NGEF: variants seen among roughly 807,000 people sequenced by gnomAD.
NGEF encodes neuronal guanine nucleotide exchange factor.
Under a neutral mutation model 80.9 loss-of-function variants are expected in NGEF, and 31 were observed. That is an observed-to-expected ratio of 0.38 (90% confidence interval 0.29 to 0.52). The LOEUF (loss-of-function observed/expected upper bound fraction) is 0.52, where lower values mean the gene tolerates loss of function less well. Among genes scored for constraint, NGEF ranks in the 20% least tolerant of loss-of-function variants. NGEF has a pLI of 0.84. For missense variants in NGEF, 709 were observed against 926.2 expected (o/e 0.77, Z 3.04); for synonymous variants, 371 against 370.2 (o/e 1.00, Z -0.03).
chr2:232,982,479 C>A (rs528945572), intron 1 of NGEF, among the ~76,000 whole-genome samples: 3 of 152,168 alleles, frequency 2.0e-5, no homozygotes, highest in Non-Finnish European at 4.4e-5. Flanking sequence ...TGAATTGGTA[C>A]GTTAGCCTCT....
At chr2:232,894,989 G>A in intron 5 of NGEF, 73 bp from the exon 6 acceptor site, 1 of 1,475,452 alleles carries the variant, frequency 6.8e-7, no homozygotes, top group South Asian at 1.3e-5. Flanking sequence ...GGCTGAGACA[G>A]AGGAGCAGAG....
chr2:232,995,046 T>C (rs71421674), intron 1 of NGEF, among the ~76,000 whole-genome samples: 4,544 of 29,734 alleles, frequency 0.15, 717 homozygotes, highest in East Asian at 0.61. Context: ...ACAGTATGTA[T>C]ACTGTATATA....
In NGEF at chr2:232,879,576, C is replaced by A; in HGVS notation, c.2046G>T (p.Lys682Asn). ...LNPKIRSQNL[K>N]ECFRVHKMDD... ...CCATCTTGTGGACACGGAAACATTC[C>A]TTGAGGTTCTGGGACCGGATCTTGG... The change falls in exon 15 of 15, where the codon AAG becomes AAT. Residue 682 changes from lysine to asparagine, a missense_variant. By Grantham distance (94) the Lys-to-Asn change is moderately conservative (BLOSUM62 0). Transcript: ENST00000264051. 6.2e-7 allele frequency: 1 copy of A among 1,613,926 alleles called. No individual in the cohort carries two copies. Among genetic ancestry groups the A allele is most frequent in the South Asian group, 1.1e-5 (1 of 91,086 alleles).
chr2:232,914,291 G>T (rs915994371), intron 5 of NGEF, among the ~76,000 whole-genome samples: 1 of 152,192 alleles, frequency 6.6e-6, no homozygotes. Flanking sequence ...AGCAACATGT[G>T]GCTAAACTGA....
At chr2:232,931,723 G>C (rs62191812) in intron 3 of NGEF, among the ~76,000 whole-genome samples, 1 of 152,170 alleles carries the variant, frequency 6.6e-6, no homozygotes, top group Non-Finnish European at 1.5e-5. Context: ...AACGGAGAAA[G>C]TGGGACAAAA....
intron 2 of NGEF, among the ~76,000 whole-genome samples, chr2:232,972,742 T>TC (rs1694219445): frequency 7.4e-6 from 1 of 135,046 alleles, no homozygotes; most frequent in African/African-American, 2.7e-5. Context: ...CATGTCCTTA[T>TC]CCTTTTTTTT....
rs147866144 is a variant in NGEF at position 232,995,074 on chromosome 2, G to GTA, written c.-75+17992_-75+17993dup. On this transcript the variant is annotated intron_variant, in intron 1 of 14. Coordinates refer to ENST00000264051, the MANE Select transcript of NGEF (RefSeq NM_019850.3). ...TGTATATATGTACAGTATGTATACTGTATATGTGTACAGTATGTATATGTG... is the reference window on the plus strand; with the variant it reads ...TGTATATATGTACAGTATGTATACTGTATATATGTGTACAGTATGTATATGTG... Among the ~76,000 whole-genome samples, 290 of 11,360 alleles carry GTA rather than the reference G, an allele frequency of 0.026. 22 individuals are homozygous for GTA. The East Asian group carries it at 0.31, about 12-fold the overall frequency. The allele number at this position is 11,360 out of a possible 152,430, so 7.5% of individuals were successfully genotyped here. A position where few individuals can be genotyped will look rare whatever the true frequency, so the allele number is the denominator to read the frequency against.
intron 10 of NGEF, chr2:232,884,997 G>A (rs1030580537): frequency 1.4e-5 from 5 of 360,614 alleles, no homozygotes; most frequent in East Asian, 5.0e-5. Context: ...GCCACGCAGC[G>A]GGCAGGTGAG....
chr2:232,889,225 G>A (rs902690772), intron 8 of NGEF, among the ~76,000 whole-genome samples: 20 of 152,124 alleles, frequency 1.3e-4, no homozygotes, highest in African/African-American at 4.1e-4. Flanking sequence ...CGGTTTAGAC[G>A]CCATCTTTTC....
chr2:232,984,749 A>G (rs1694499998), intron 1 of NGEF, among the ~76,000 whole-genome samples: 1 of 152,170 alleles, frequency 6.6e-6, no homozygotes, highest in African/African-American at 2.4e-5. Flanking sequence ...CAGGGCAGGG[A>G]AATTTCAGAC....
chr2:232,950,784 T>C (rs892440739), intron 3 of NGEF, among the ~76,000 whole-genome samples: 7 of 152,286 alleles, frequency 4.6e-5, no homozygotes, highest in Middle Eastern at 3.4e-3. Flanking sequence ...TCTCAACCCC[T>C]GTCTGAGAGT....
intron 5 of NGEF, among the ~76,000 whole-genome samples, chr2:232,919,803 A>T (rs1415790384): frequency 6.6e-6 from 1 of 152,200 alleles, no homozygotes; most frequent in East Asian, 1.9e-4. Context: ...CAGATGGGCA[A>T]GCTGAGGGAC....
intron 1 of NGEF, among the ~76,000 whole-genome samples, chr2:233,002,143 C>T (rs908712013): frequency 1.3e-5 from 2 of 152,166 alleles, no homozygotes; most frequent in Admixed American, 6.5e-5. Flanking sequence ...TGTCCTCCTT[C>T]CAGCTGCATG....
chr2:232,891,160 G>A (rs13421393), intron 8 of NGEF, among the ~76,000 whole-genome samples, 198 bp downstream of exon 8: 3,533 of 152,342 alleles, frequency 0.023, 142 homozygotes, highest in African/African-American at 0.08. Flanking sequence ...GCTGTGCATG[G>A]TTCGGTCTCT....
chr2:232,971,964 C>G (rs889921146), intron 2 of NGEF, among the ~76,000 whole-genome samples: 31 of 152,318 alleles, frequency 2.0e-4, no homozygotes, highest in African/African-American at 7.0e-4. Context: ...GCTTACAGTG[C>G]CCTACCCCTG....
At chr2:233,012,695 G>A in intron 1 of NGEF, 1 of 378,140 alleles carries the variant, frequency 2.6e-6, no homozygotes, top group South Asian at 2.0e-5. Context: ...ATGCTGTGTT[G>A]TTGTCCTTTT....
intron 3 of NGEF, among the ~76,000 whole-genome samples, chr2:232,949,654 T>C (rs1419114543): frequency 6.6e-6 from 1 of 151,324 alleles, no homozygotes; most frequent in Non-Finnish European, 1.5e-5. Flanking sequence ...ATTTTGTATT[T>C]TTTAAGTAGA....
intron 1 of NGEF, among the ~76,000 whole-genome samples, chr2:232,991,871 A>G (rs1473741441): frequency 6.6e-6 from 1 of 152,230 alleles, no homozygotes; most frequent in African/African-American, 2.4e-5. Context: ...GTACTGGCAC[A>G]GGATAGGCAT....
chr2:232,950,012 A>G (rs1265399987), intron 3 of NGEF, among the ~76,000 whole-genome samples: 1 of 149,382 alleles, frequency 6.7e-6, no homozygotes, highest in Non-Finnish European at 1.5e-5. Flanking sequence ...GGGTTTCACC[A>G]TGTTGGCCAG....
Sources: allele counts gnomAD v4.1 joint callset (sites outside exome capture counted in the v4.1 genomes callset), GRCh38; gene constraint gnomAD v4.1.1; transcripts MANE v1.5; gene names NCBI Gene and HGNC (gene_info 2026-07-23, HGNC 2026-07-21).